Variants in CLEC16A observed in about 807,000 individuals in gnomAD.
The protein encoded by CLEC16A is protein CLEC16A.
A neutral mutation model predicts 109.5 loss-of-function variants in CLEC16A; 51 were observed. The observed-to-expected ratio is 0.47, with a 90% CI of 0.37 to 0.59. CLEC16A has a LOEUF of 0.59. CLEC16A is among the 20% of genes least tolerant of loss of function. The pLI, the probability that CLEC16A is intolerant of heterozygous loss-of-function variation, is 0.00. For missense variants in CLEC16A, 1,339 were observed against 1,394.0 expected, an observed-to-expected ratio of 0.96 and a Z score of 0.63; for synonymous variants, 673 against 564.2, an observed-to-expected ratio of 1.19 and a Z score of -2.73.
chr16:10,947,939 G>C (rs1376160399), intron 1 of CLEC16A, among the ~76,000 whole-genome samples: 2 of 152,030 alleles, frequency 1.3e-5, no homozygotes, highest in African/African-American at 2.4e-5. Flanking sequence ...TGTTGCCCAG[G>C]CTGGAGTGCA....
At chr16:11,090,164 G>T (rs562395235) in intron 19 of CLEC16A, among the ~76,000 whole-genome samples, 7 of 152,202 alleles carry the variant, frequency 4.6e-5, no homozygotes, top group Non-Finnish European at 8.8e-5. Flanking sequence ...AACCGCAGAA[G>T]GGGGACCTGC....
At chr16:10,968,469 CA>C (rs1222635539) in intron 3 of CLEC16A, among the ~76,000 whole-genome samples, 2 of 152,324 alleles carry the variant, frequency 1.3e-5, no homozygotes, top group African/African-American at 4.8e-5. Flanking sequence ...CTTGGGCCCT[CA>C]TCACCCAGTT....
intron 22 of CLEC16A, among the ~76,000 whole-genome samples, chr16:11,127,697 C>T (rs754286591): frequency 2.6e-5 from 4 of 151,950 alleles, no homozygotes; most frequent in East Asian, 1.9e-4. Flanking sequence ...AGTGAGACAT[C>T]GTGTCTAGTA....
chr16:11,122,973 G>A (rs1329135558), intron 20 of CLEC16A, among the ~76,000 whole-genome samples: 2 of 130,312 alleles, frequency 1.5e-5, no homozygotes, highest in African/African-American at 6.0e-5. Flanking sequence ...GTTCGATCTC[G>A]GCTCACTGCA....
At chr16:11,034,385 C>A (rs904881863) in intron 13 of CLEC16A, among the ~76,000 whole-genome samples, 1 of 152,164 alleles carries the variant, frequency 6.6e-6, no homozygotes, top group Non-Finnish European at 1.5e-5. Flanking sequence ...TTATCCAGAT[C>A]TGTCTAATTA....
intron 1 of CLEC16A, among the ~76,000 whole-genome samples, chr16:10,952,668 A>C (rs1450498635): frequency 6.6e-6 from 1 of 152,198 alleles, no homozygotes; most frequent in African/African-American, 2.4e-5. Context: ...TCTCTTCCTA[A>C]AACACTGTGT....
intron 5 of CLEC16A, among the ~76,000 whole-genome samples, chr16:10,972,030 T>A (rs1033904110): frequency 2.0e-5 from 3 of 152,156 alleles, no homozygotes; most frequent in Non-Finnish European, 2.9e-5. Context: ...TAAGAACCTT[T>A]CTAAGAGCCC....
intron 19 of CLEC16A, among the ~76,000 whole-genome samples, chr16:11,106,808 C>T (rs1450448677): frequency 1.3e-5 from 2 of 152,144 alleles, no homozygotes; most frequent in African/African-American, 4.8e-5. Flanking sequence ...TTTATTACCC[C>T]CCGCCTATAG....
chr16:11,049,071 G>A (rs375547858), intron 17 of CLEC16A, among the ~76,000 whole-genome samples: 53 of 151,672 alleles, frequency 3.5e-4, no homozygotes, highest in African/African-American at 1.1e-3. Context: ...CAAGTAGTGC[G>A]TTCTCGGCTC....
Position 10,982,923 on chromosome 16 carries a change from G to C in CLEC16A, c.1003G>C (p.Glu335Gln). 1.2e-6 allele frequency: 2 copies of C among 1,613,252 alleles called. No individual in the cohort carries two copies. The highest frequency in any genetic ancestry group is 1.7e-6 in the Non-Finnish European group (2 of 1,179,232). The change falls in exon 10 of 24, where the codon GAA (glutamate) becomes CAA (glutamine). Residue 335 changes from glutamate to glutamine, a missense_variant. Glu to Gln is a conservative substitution (Grantham distance 29, BLOSUM62 2). Coordinates refer to ENST00000409790, the MANE Select transcript of CLEC16A (RefSeq NM_015226.3). ...HHAPLVNSLA[E>Q]VILNGDLSEM... Reference sequence around the variant, plus strand: ...TGCACCGCTGGTGAACTCGTTAGCTGAAGTCATTCTGAATGGTGATCTGTC... The same window carrying C: ...TGCACCGCTGGTGAACTCGTTAGCTCAAGTCATTCTGAATGGTGATCTGTC...
intron 3 of CLEC16A, among the ~76,000 whole-genome samples, chr16:10,967,850 C>T (rs549476775): frequency 6.6e-6 from 1 of 152,346 alleles, no homozygotes; most frequent in Admixed American, 6.5e-5. Context: ...CGATTAAACC[C>T]AGAGCTTCCC....
At chr16:11,096,471 G>A (rs142545538) in intron 19 of CLEC16A, among the ~76,000 whole-genome samples, 63 of 152,184 alleles carry the variant, frequency 4.1e-4, no homozygotes, top group Middle Eastern at 3.4e-3. Flanking sequence ...AGAGACCCAC[G>A]GGAGGAATAC....
intron 22 of CLEC16A, among the ~76,000 whole-genome samples, chr16:11,158,847 G>A (rs1597597955): frequency 6.6e-6 from 1 of 151,632 alleles, no homozygotes; most frequent in East Asian, 1.9e-4. Context: ...TTGAACCTGG[G>A]AGGCGGAGGT....
At chr16:10,951,386 GT>G (rs140911876) in intron 1 of CLEC16A, among the ~76,000 whole-genome samples, 1 of 152,036 alleles carries the variant, frequency 6.6e-6, no homozygotes, top group African/African-American at 2.4e-5. Context: ...TCTATTTGGT[GT>G]TTTTTTAATT....
chr16:11,019,370 G>T (rs2045957597), intron 11 of CLEC16A, among the ~76,000 whole-genome samples: 1 of 152,122 alleles, frequency 6.6e-6, no homozygotes, highest in South Asian at 2.1e-4. Flanking sequence ...CTTGTTTAAT[G>T]GGGAGAAAAA....
intron 20 of CLEC16A, among the ~76,000 whole-genome samples, chr16:11,121,748 C>T (rs1002852752): frequency 2.0e-5 from 3 of 151,552 alleles, no homozygotes; most frequent in African/African-American, 7.3e-5. Flanking sequence ...GGCATGATAG[C>T]AGGCACCTGT....
chr16:11,178,806 C>A lies in CLEC16A; in HGVS notation c.*116C>A. 1.4e-6 allele frequency: 1 copy of A among 733,958 alleles called. No individual in the cohort carries two copies. Among genetic ancestry groups the A allele is most frequent in the Non-Finnish European group, 2.1e-6 (1 of 465,392 alleles). 45.5% of individuals were successfully genotyped at this position (733,958 alleles called of 1,614,324 possible). ...ATTCTGTGCGGCCCCCAGCAGCCAT[C>A]TCAACCACCTATCCCTGCGCTCCCT... On this transcript the variant is annotated 3_prime_UTR_variant, in exon 24 of 24. Coordinates refer to ENST00000409790, the MANE Select transcript of CLEC16A (RefSeq NM_015226.3). The surrounding 1 kb of genome is among the most constrained non-coding windows in gnomAD (Gnocchi z 6.5).
At chr16:10,991,216 T>C in intron 10 of CLEC16A, among the ~76,000 whole-genome samples, 1 of 151,554 alleles carries the variant, frequency 6.6e-6, no homozygotes, top group Middle Eastern at 3.2e-3. Context: ...AGTGTTACAG[T>C]TCTCAGTAAG....
chr16:11,132,778 C>G (rs964364404), intron 22 of CLEC16A, among the ~76,000 whole-genome samples: 12 of 152,290 alleles, frequency 7.9e-5, no homozygotes, highest in African/African-American at 2.9e-4. Flanking sequence ...TTGTCTTGTC[C>G]TTGACAGTGC....
Sources: gnomAD v4.1 joint callset for allele counts (sites outside exome capture counted in the v4.1 genomes callset) on GRCh38, gnomAD v4.1.1 for gene constraint, Gnocchi (gnomAD v3.1) non-coding constraint, MANE v1.5 for transcripts, NCBI Gene and HGNC (gene_info 2026-07-23, HGNC 2026-07-21) for gene names.